Variants in MAD1L1 observed in about 807,000 individuals in gnomAD.
MAD1L1 encodes mitotic arrest deficient 1 like 1, also known as mitotic spindle assembly checkpoint protein MAD1.
MAD1L1 carries 95 observed loss-of-function variants against 96.9 expected under a neutral mutation model. That is an observed-to-expected ratio of 0.98 (90% confidence interval 0.83 to 1.16). MAD1L1 has a LOEUF of 1.16. MAD1L1 is among the 50% of genes most tolerant of loss of function. The pLI is 0.00. For synonymous variants in MAD1L1, 473 were observed against 396.6 expected, an observed-to-expected ratio of 1.19 and a Z score of -2.29; for missense variants, 1,007 against 954.4, an observed-to-expected ratio of 1.06 and a Z score of -0.73.
At position 2,222,594 on chromosome 7, in the gene MAD1L1, C is replaced by T; in HGVS notation, c.452G>A (p.Ser151Asn). ...ASKRLREKED[S>N]LAQAGETINA... ...GCTCACCTCGCCAGCCTGGGCCAGACTGTCCTCTTTCTCACGCAGCCTCTT... is the reference window on the plus strand; with the variant it reads ...GCTCACCTCGCCAGCCTGGGCCAGATTGTCCTCTTTCTCACGCAGCCTCTT... The change falls in exon 5 of 19, where the codon AGT (serine) becomes AAT (asparagine). Residue 151 changes from serine (S) to asparagine (N), a missense_variant. Transcript: ENST00000265854. 6.2e-7 allele frequency: 1 copy of T among 1,609,704 alleles called. No individual in the cohort carries two copies. Among genetic ancestry groups the T allele is most frequent in the East Asian group, 2.2e-5 (1 of 44,552 alleles).
At chr7:2,057,499 A>G (rs1784430735) in intron 12 of MAD1L1, among the ~76,000 whole-genome samples, 3 of 152,102 alleles carry the variant, frequency 2.0e-5, no homozygotes, top group Admixed American at 6.6e-5. Context: ...GGACATCAGA[A>G]CAAGACTCCA....
At chr7:1,957,417 G>A (rs1004926405) in intron 16 of MAD1L1, among the ~76,000 whole-genome samples, 4 of 152,216 alleles carry the variant, frequency 2.6e-5, no homozygotes, top group Admixed American at 6.5e-5. Context: ...TGGGTGGTGC[G>A]GGCCGCAGAG....
At chr7:2,152,784 G>A (rs1789643594) in intron 10 of MAD1L1, among the ~76,000 whole-genome samples, 1 of 152,154 alleles carries the variant, frequency 6.6e-6, no homozygotes. Context: ...TTAACTTTAT[G>A]GATGTGGAAG....
intron 18 of MAD1L1, among the ~76,000 whole-genome samples, chr7:1,875,633 G>A (rs1319639854): frequency 3.3e-5 from 5 of 152,308 alleles, no homozygotes; most frequent in East Asian, 3.9e-4. Context: ...AAGAGAAGAC[G>A]CCACTCCAGG....
intron 11 of MAD1L1, among the ~76,000 whole-genome samples, chr7:2,074,140 A>C (rs1195842797): frequency 2.0e-5 from 3 of 152,178 alleles, no homozygotes; most frequent in African/African-American, 7.2e-5. Context: ...GAGGACGGCC[A>C]CATGCCGTTC....
intron 1 of MAD1L1, 25 bp downstream of exon 1, chr7:2,232,847 C>T (rs1794284431): frequency 6.6e-6 from 1 of 151,916 alleles, no homozygotes; most frequent in Non-Finnish European, 1.5e-5. Context: ...GGGACCCCGC[C>T]GCCCGCGCGA....
At chr7:1,957,273 C>T (rs1241942513) in intron 16 of MAD1L1, among the ~76,000 whole-genome samples, 1 of 152,256 alleles carries the variant, frequency 6.6e-6, no homozygotes, top group African/African-American at 2.4e-5. Flanking sequence ...TGCCATGCAG[C>T]AACTCAGGAG....
intron 11 of MAD1L1, among the ~76,000 whole-genome samples, chr7:2,139,195 C>A (rs971515172): frequency 4.6e-5 from 7 of 152,128 alleles, no homozygotes; most frequent in Non-Finnish European, 7.4e-5. Context: ...CACACCATGT[C>A]CACAGCCTAA....
chr7:1,820,968 C>T (rs1427626469), intron 18 of MAD1L1, among the ~76,000 whole-genome samples: 1 of 151,108 alleles, frequency 6.6e-6, no homozygotes, highest in Admixed American at 6.6e-5. Flanking sequence ...GTAGTCCCAG[C>T]TCCTTGGGAG....
chr7:2,212,798 C>CGTAT (rs1472003375), intron 10 of MAD1L1, among the ~76,000 whole-genome samples: 1 of 152,172 alleles, frequency 6.6e-6, no homozygotes, highest in African/African-American at 2.4e-5. Context: ...CAAGAACAGC[C>CGTAT]TAATACAGTG....
intron 16 of MAD1L1, among the ~76,000 whole-genome samples, chr7:1,957,297 G>A (rs1779766487): frequency 6.6e-6 from 1 of 152,244 alleles, no homozygotes; most frequent in Non-Finnish European, 1.5e-5. Context: ...GAAAACCAAA[G>A]AGAAAGTACA....
intron 12 of MAD1L1, among the ~76,000 whole-genome samples, chr7:2,029,843 A>T (rs1783142550): frequency 6.6e-6 from 1 of 152,128 alleles, no homozygotes; most frequent in African/African-American, 2.4e-5. Context: ...GATAGAGGGT[A>T]ATTTGAGGTT....
chr7:2,014,276 C>G (rs1169544419), intron 13 of MAD1L1, among the ~76,000 whole-genome samples: 1 of 152,202 alleles, frequency 6.6e-6, no homozygotes, highest in Non-Finnish European at 1.5e-5. Context: ...CTGGGACCAC[C>G]TGAGACACCC....
rs575822630 is a variant in MAD1L1 at position 2,004,681 on chromosome 7, A to C, written c.1360-2560T>G. ...CTCAGCCTTCACAGCCTCCGGCGCC[A>C]CGCGGGCAGGCTGCAGGCATTTTCC... is the stretch of plus-strand genomic sequence containing the variant. On this transcript the variant is annotated intron_variant, in intron 13 of 18. Transcript: ENST00000265854. 1.7e-3 allele frequency among the ~76,000 whole-genome samples: 257 copies of C among 152,290 alleles called. 1 individual carries two copies. The highest frequency in any genetic ancestry group is 5.9e-3 in the African/African-American group (244 of 41,582).
At chr7:1,978,803 C>T (rs1353500492) in intron 15 of MAD1L1, among the ~76,000 whole-genome samples, 10 of 152,140 alleles carry the variant, frequency 6.6e-5, no homozygotes, top group Non-Finnish European at 1.0e-4. Flanking sequence ...GAGAGCGCGT[C>T]GGGGCCCACT....
At position 2,103,977 on chromosome 7, in the gene MAD1L1, G is replaced by GT. The variant is rs1786955142; in HGVS notation, c.1074-34640dup. Among the ~76,000 whole-genome samples, 1 of 152,244 alleles carries GT rather than the reference G, an allele frequency of 6.6e-6. No individual in the cohort carries two copies. Among genetic ancestry groups the GT allele is most frequent in the Non-Finnish European group, 1.5e-5 (1 of 68,044 alleles). On this transcript the variant is annotated intron_variant, in intron 11 of 18. Coordinates refer to ENST00000265854, the MANE Select transcript of MAD1L1 (RefSeq NM_001013836.2). This position sits in a 1 kb window ranked among gnomAD's most constrained non-coding sequence, Gnocchi z 4.3. ...TGGCAGAGAATCAAATATGCAGCCG[G>GT]TGTCTGGAAATCATTCAATGAAGGT...
chr7:2,019,620 G>A (rs1347227702), intron 12 of MAD1L1, among the ~76,000 whole-genome samples: 1 of 152,156 alleles, frequency 6.6e-6, no homozygotes, highest in Non-Finnish European at 1.5e-5. Context: ...ACGGCCACAG[G>A]GGTTGGGGGT....
chr7:2,184,101 A>C (rs1791341914), intron 10 of MAD1L1, among the ~76,000 whole-genome samples: 1 of 151,658 alleles, frequency 6.6e-6, no homozygotes, highest in Non-Finnish European at 1.5e-5. Context: ...AAATACAAAA[A>C]ATTAGCCAGG....
At chr7:2,082,391 G>C (rs1224099662) in intron 11 of MAD1L1, among the ~76,000 whole-genome samples, 2 of 152,152 alleles carry the variant, frequency 1.3e-5, no homozygotes, top group South Asian at 2.1e-4. Context: ...AGCTCAGCAA[G>C]GGAGATGGGA....
Sources: allele counts gnomAD v4.1 joint callset (sites outside exome capture counted in the v4.1 genomes callset), GRCh38; gene constraint gnomAD v4.1.1; non-coding constraint Gnocchi (gnomAD v3.1); transcripts MANE v1.5; gene names NCBI Gene and HGNC (gene_info 2026-07-23, HGNC 2026-07-21).